The following DPYD variants were observed in gnomAD, a reference collection of about 807,000 sequenced individuals.
DPYD encodes dihydropyrimidine dehydrogenase.
In DPYD, 109 loss-of-function variants were observed where a neutral mutation model predicts 116.2. The ratio of observed to expected loss-of-function variants is 0.94; its 90% CI spans 0.80 to 1.10. The LOEUF is 1.10. Among genes scored for constraint, DPYD ranks in the 50% least tolerant of loss-of-function variants. The pLI, the probability that DPYD is intolerant of heterozygous loss-of-function variation, is 0.00. For synonymous variants in DPYD, 440 were observed against 432.0 expected (o/e 1.02, Z -0.23); for missense variants, 1,302 against 1,254.5 (o/e 1.04, Z -0.57).
At chr1:97,234,786 C>G (rs1416285857) in intron 19 of DPYD, 66 bp downstream of exon 19, 3 of 1,583,052 alleles carry the variant, frequency 1.9e-6, no homozygotes, top group Non-Finnish European at 2.6e-6. Context: ...TTTTTTTTGT[C>G]ACATAACTTA....
At chr1:97,909,555 A>G (rs963731783) in intron 1 of DPYD, among the ~76,000 whole-genome samples, 16 of 151,946 alleles carry the variant, frequency 1.1e-4, no homozygotes, top group Non-Finnish European at 1.9e-4. Context: ...TCTTTCCCCA[A>G]TGGCTATTGT....
intron 3 of DPYD, among the ~76,000 whole-genome samples, chr1:97,805,889 G>T (rs931525483): frequency 3.3e-5 from 5 of 151,740 alleles, no homozygotes; most frequent in Non-Finnish European, 5.9e-5. Flanking sequence ...AAAAAGAGAG[G>T]CTAGAAGCTT....
At chr1:97,225,457 A>C (rs1661080380) in intron 19 of DPYD, among the ~76,000 whole-genome samples, 1 of 151,856 alleles carries the variant, frequency 6.6e-6, no homozygotes, top group Non-Finnish European at 1.5e-5. Context: ...TATTCAAAGA[A>C]TATTAACGTC....
intron 3 of DPYD, among the ~76,000 whole-genome samples, chr1:97,809,908 T>C (rs1367453658): frequency 6.6e-6 from 1 of 151,998 alleles, no homozygotes; most frequent in Non-Finnish European, 1.5e-5. Context: ...AAAGGATCCA[T>C]AGGTGTCTAC....
intron 18 of DPYD, among the ~76,000 whole-genome samples, chr1:97,247,088 T>G (rs905638014): frequency 6.6e-6 from 1 of 152,116 alleles, no homozygotes; most frequent in Admixed American, 6.5e-5. Context: ...ATGATCCACT[T>G]TTTCATAATA....
At chr1:97,292,538 G>A (rs12121789) in intron 18 of DPYD, among the ~76,000 whole-genome samples, 11,804 of 152,226 alleles carry the variant, frequency 0.078, 649 homozygotes, top group Middle Eastern at 0.21. Flanking sequence ...CCCATGACAT[G>A]TGGGGATTAT....
At chr1:97,406,865 T>C (rs1430481262) in intron 14 of DPYD, among the ~76,000 whole-genome samples, 1 of 152,150 alleles carries the variant, frequency 6.6e-6, no homozygotes, top group African/African-American at 2.4e-5. Context: ...ACTAAAGTCA[T>C]AAGATTTGAA....
At chr1:97,726,165 T>C (rs1380486753) in intron 4 of DPYD, among the ~76,000 whole-genome samples, 1 of 151,596 alleles carries the variant, frequency 6.6e-6, no homozygotes, top group Non-Finnish European at 1.5e-5. Context: ...ATTGCATCTC[T>C]ACTTGACACA....
chr1:97,738,741 T>C (rs1439168953), intron 4 of DPYD, among the ~76,000 whole-genome samples: 3 of 151,898 alleles, frequency 2.0e-5, no homozygotes, highest in African/African-American at 7.2e-5. Context: ...CAATTAATCA[T>C]CTTCAAATCT....
At chr1:97,489,496 G>A (rs1678848591) in intron 13 of DPYD, among the ~76,000 whole-genome samples, 1 of 152,114 alleles carries the variant, frequency 6.6e-6, no homozygotes, top group African/African-American at 2.4e-5. Context: ...TCATAAGATT[G>A]GCAAATTTTA....
chr1:97,205,552 T>C (rs1659530132), intron 19 of DPYD, among the ~76,000 whole-genome samples: 1 of 152,156 alleles, frequency 6.6e-6, no homozygotes, highest in African/African-American at 2.4e-5. Flanking sequence ...AAGAACTTCA[T>C]ATATTTTAAA....
intron 8 of DPYD, among the ~76,000 whole-genome samples, chr1:97,604,143 C>T (rs1052245587): frequency 6.6e-6 from 1 of 152,100 alleles, no homozygotes; most frequent in South Asian, 2.1e-4. Flanking sequence ...GTGATTTTCT[C>T]CAGGCATATA....
At chr1:97,814,253 G>A (rs897711974) in intron 3 of DPYD, among the ~76,000 whole-genome samples, 9 of 152,244 alleles carry the variant, frequency 5.9e-5, no homozygotes, top group Admixed American at 5.2e-4. Flanking sequence ...TTGTGAGCAA[G>A]GCTGAAAGAG....
chr1:97,182,285 TTAAGA>T (rs1164244304), intron 20 of DPYD, among the ~76,000 whole-genome samples: 4 of 152,174 alleles, frequency 2.6e-5, no homozygotes, highest in Non-Finnish European at 4.4e-5. Context: ...AGCATTCTAC[TTAAGA>T]TATCACTCAA....
At chr1:97,475,138 T>C (rs1677882257) in intron 13 of DPYD, among the ~76,000 whole-genome samples, 1 of 152,156 alleles carries the variant, frequency 6.6e-6, no homozygotes, top group Non-Finnish European at 1.5e-5. Context: ...ATCATTTTTG[T>C]GGGCATTCAT....
chr1:97,392,244 T>C (rs1465561566), intron 14 of DPYD, among the ~76,000 whole-genome samples: 1 of 152,100 alleles, frequency 6.6e-6, no homozygotes, highest in Admixed American at 6.6e-5. Flanking sequence ...GAGCCTTTGG[T>C]GAATCATAAT....
intron 4 of DPYD, among the ~76,000 whole-genome samples, chr1:97,726,348 C>G (rs1438618981): frequency 6.6e-6 from 1 of 151,552 alleles, no homozygotes; most frequent in Non-Finnish European, 1.5e-5. Context: ...ACCTGACTTT[C>G]TGGTTTTGGA....
At chr1:97,917,700 T>C (rs575583511) in intron 1 of DPYD, among the ~76,000 whole-genome samples, 2 of 152,344 alleles carry the variant, frequency 1.3e-5, no homozygotes, top group Non-Finnish European at 2.9e-5. Context: ...GTGGTAGCAG[T>C]ACAGTAACAG....
At chr1:97,663,835 G>T (rs1468505085) in intron 8 of DPYD, among the ~76,000 whole-genome samples, 1 of 152,138 alleles carries the variant, frequency 6.6e-6, no homozygotes, top group African/African-American at 2.4e-5. Flanking sequence ...CTGTATCTGG[G>T]TGCACTCCTA....
Sources: allele counts gnomAD v4.1 joint callset (sites outside exome capture counted in the v4.1 genomes callset), GRCh38; gene constraint gnomAD v4.1.1; transcripts MANE v1.5; gene names NCBI Gene and HGNC (gene_info 2026-07-23, HGNC 2026-07-21).